Variants in MYH10 observed in about 807,000 individuals in gnomAD.
MYH10 encodes myosin-10.
Under a neutral mutation model 257.8 loss-of-function variants are expected in MYH10, and 55 were observed. That is an observed-to-expected ratio of 0.21 (90% CI 0.17 to 0.27). The LOEUF (loss-of-function observed/expected upper bound fraction) is 0.27, where lower values mean the gene tolerates loss of function less well. Ranked by LOEUF, MYH10 falls within the 10% of genes least tolerant of loss-of-function variation. MYH10 has a pLI of 1.00. For synonymous variants in MYH10, 854 were observed against 921.7 expected, an observed-to-expected ratio of 0.93 and a Z score of 1.33; for missense variants, 1,631 against 2,500.6, an observed-to-expected ratio of 0.65 and a Z score of 7.42.
intron 17 of MYH10, among the ~76,000 whole-genome samples, chr17:8,528,750 C>A (rs1389110534): frequency 6.6e-6 from 1 of 152,078 alleles, no homozygotes; most frequent in Non-Finnish European, 1.5e-5. Context: ...ATATTAAAGT[C>A]CTACATTTTC....
rs77842926 is a variant in MYH10, at chr17:8,560,341, A to G, written c.757-6323T>C. On this transcript the variant is annotated intron_variant, in intron 7 of 42. Transcript: ENST00000360416. ...TAAAATCTAAACTTAAATGTTATTT[A>G]CCGTATATTTAGTGAATTTATTTTT... 2.7e-3 allele frequency: 609 copies of G among 226,194 alleles called. 1 individual carries two copies. The highest frequency in any genetic ancestry group is 0.012 in the African/African-American group (555 of 44,498). 14.0% of individuals were successfully genotyped at this position (226,194 alleles called of 1,614,324 possible).
At position 8,575,876 on chromosome 17, in the gene MYH10, T is replaced by C. The variant is rs982583296; in HGVS notation, c.663+767A>G. On this transcript the variant is annotated intron_variant, in intron 6 of 42. Coordinates refer to ENST00000360416, the MANE Select transcript of MYH10 (RefSeq NM_001256012.3). ...ATGGAGGTCATGCTATGATTCTTGC[T>C]TTTTTCACTGCTATGGTCTGTGGAG... 2.6e-4 allele frequency among the ~76,000 whole-genome samples: 40 copies of C among 152,204 alleles called. 1 individual carries two copies. The highest frequency in any genetic ancestry group is 2.5e-3 in the Admixed American group (38 of 15,284).
chr17:8,529,329 C>T lies in MYH10; in HGVS notation c.1957+1294G>A, dbSNP rs2081950168. The stretch of plus-strand genomic sequence containing the variant: ...TGAGCAAAGCCAGGCACTGACCCTG[C>T]CCTCAAAGAGCTCACAGCCTGAAAT... On this transcript the variant is annotated intron_variant, in intron 17 of 42. Coordinates refer to ENST00000360416, the MANE Select transcript of MYH10 (RefSeq NM_001256012.3). Among the ~76,000 whole-genome samples, 2 of 152,180 alleles carry T rather than the reference C, an allele frequency of 1.3e-5. 1 individual carries two copies. Among genetic ancestry groups the T allele is most frequent in the South Asian group, 4.1e-4 (2 of 4,828 alleles).
intron 7 of MYH10, chr17:8,560,855 T>C (rs961631548): frequency 8.9e-6 from 5 of 561,088 alleles, no homozygotes; most frequent in African/African-American, 5.6e-5. Flanking sequence ...CACAAGGTCT[T>C]TGGCAAAGTG....
chr17:8,533,928 C>T (rs552907828), intron 16 of MYH10, among the ~76,000 whole-genome samples: 4 of 152,314 alleles, frequency 2.6e-5, no homozygotes, highest in African/African-American at 9.6e-5. Context: ...CAAATCCTTA[C>T]GACTGCAACA....
At chr17:8,604,319 T>C (rs2084717466) in intron 3 of MYH10, among the ~76,000 whole-genome samples, 1 of 152,162 alleles carries the variant, frequency 6.6e-6, no homozygotes, top group South Asian at 2.1e-4. Context: ...AAAGCCAGGG[T>C]TCAAATGAAT....
At chr17:8,542,762 C>G (rs1393481777) in intron 13 of MYH10, among the ~76,000 whole-genome samples, 1 of 152,214 alleles carries the variant, frequency 6.6e-6, no homozygotes, top group African/African-American at 2.4e-5. Flanking sequence ...CACTGTCACT[C>G]AGGCTGTGGG....
At chr17:8,562,092 T>C (rs1014521614) in intron 7 of MYH10, among the ~76,000 whole-genome samples, 24 of 152,226 alleles carry the variant, frequency 1.6e-4, no homozygotes, top group Non-Finnish European at 2.8e-4. Flanking sequence ...TTGAAAATTA[T>C]CAACTTTCTA....
intron 7 of MYH10, chr17:8,560,486 GTTCTT>G (rs1163815555): frequency 9.8e-6 from 5 of 511,192 alleles, no homozygotes; most frequent in Non-Finnish European, 1.5e-5. Context: ...ACGCCACTGT[GTTCTT>G]TTGACATCAT....
At position 8,545,585 on chromosome 17, in the gene MYH10, C is replaced by G. The variant is rs373000728; in HGVS notation, c.1294G>C (p.Glu432Gln). The G allele has an allele frequency of 6.2e-7, 1 of 1,611,210 alleles. No homozygotes were observed. The highest frequency in any genetic ancestry group is 1.3e-5 in the African/African-American group (1 of 74,676). ...TCATAGGTAGCTTTTGCCAATGCTTCTACTGCAAAATCTGCCTGTAATTAA... is the reference window on the plus strand; with the variant it reads ...TCATAGGTAGCTTTTGCCAATGCTTGTACTGCAAAATCTGCCTGTAATTAA... The part of the protein sequence containing the change: ...QTKEQADFAV[E>Q]ALAKATYERL... The change falls in exon 13 of 43, where the codon GAA (glutamate) becomes CAA (glutamine). Residue 432 changes from glutamate (E) to glutamine (Q), a missense_variant. By Grantham distance (29) the Glu-to-Gln change is conservative. Transcript: ENST00000360416. The surrounding 1 kb of genome is among the most constrained non-coding windows in gnomAD (Gnocchi z 4.7).
At chr17:8,478,960 C>G (rs566406719) in intron 40 of MYH10, among the ~76,000 whole-genome samples, 2 of 152,282 alleles carry the variant, frequency 1.3e-5, no homozygotes, top group East Asian at 1.9e-4. Context: ...TCGAACTCCT[C>G]ACCTCAGGTG....
intron 9 of MYH10, among the ~76,000 whole-genome samples, chr17:8,550,825 T>TG (rs1459882460): frequency 6.6e-6 from 1 of 151,974 alleles, no homozygotes; most frequent in African/African-American, 2.4e-5. Context: ...GGGATCCTGT[T>TG]GATCTGAGAC....
intron 3 of MYH10, among the ~76,000 whole-genome samples, 195 bp from the exon 4 acceptor site, chr17:8,589,303 CAG>C (rs10531833): frequency 0.69 from 104,893 of 151,818 alleles, 36,400 homozygotes; most frequent in East Asian, 0.77. Context: ...ATTATTATGC[CAG>C]AGTCTCTGGG....
chr17:8,572,379 C>G (rs2152008359), intron 6 of MYH10, among the ~76,000 whole-genome samples: 1 of 152,160 alleles, frequency 6.6e-6, no homozygotes, highest in South Asian at 2.1e-4. Context: ...CAAAATGATG[C>G]TTGGCAAATG....
intron 2 of MYH10, among the ~76,000 whole-genome samples, chr17:8,611,932 A>T (rs1237932393): frequency 1.3e-5 from 2 of 152,266 alleles, no homozygotes; most frequent in Non-Finnish European, 2.9e-5. Flanking sequence ...TGAATGCAGT[A>T]GTGCCCCTTA....
chr17:8,610,263 T>C (rs146223650), intron 2 of MYH10, among the ~76,000 whole-genome samples: 49 of 11,542 alleles, frequency 4.2e-3, no homozygotes, highest in African/African-American at 0.028. Context: ...GGGAGCACCA[T>C]AGGATTGCAA....
chr17:8,611,704 G>A (rs896492177), intron 2 of MYH10, among the ~76,000 whole-genome samples: 6 of 152,222 alleles, frequency 3.9e-5, no homozygotes, highest in Non-Finnish European at 8.8e-5. Flanking sequence ...AACAGCCAGA[G>A]TGATCCATGG....
chr17:8,610,970 A>AT (rs1295547612), intron 2 of MYH10, among the ~76,000 whole-genome samples: 1 of 152,238 alleles, frequency 6.6e-6, no homozygotes, highest in Admixed American at 6.5e-5. Flanking sequence ...AAGTAACTGA[A>AT]TATTTGATGA....
chr17:8,563,049 CCTT>C (rs2083049390), intron 7 of MYH10, among the ~76,000 whole-genome samples: 3 of 152,156 alleles, frequency 2.0e-5, no homozygotes, highest in African/African-American at 4.8e-5. Context: ...ATATTTTCCC[CCTT>C]CTTAATTTGG....
Sources: gnomAD v4.1 joint callset for allele counts (sites outside exome capture counted in the v4.1 genomes callset) on GRCh38, gnomAD v4.1.1 for gene constraint, Gnocchi (gnomAD v3.1) non-coding constraint, MANE v1.5 for transcripts, NCBI Gene and HGNC (gene_info 2026-07-23, HGNC 2026-07-21) for gene names.